Variants in IGF2BP3 observed in about 807,000 individuals in gnomAD.
IGF2BP3 encodes insulin like growth factor 2 mRNA binding protein 3, also known as insulin-like growth factor 2 mRNA-binding protein 3.
In IGF2BP3, 9 loss-of-function variants were observed where a neutral mutation model predicts 73.8. The ratio of observed to expected loss-of-function variants is 0.12; its 90% CI spans 0.07 to 0.21. The LOEUF (loss-of-function observed/expected upper bound fraction) is 0.21, where lower values mean the gene tolerates loss of function less well. IGF2BP3 is among the 10% of genes least tolerant of loss of function. The pLI is 1.00. For missense variants in IGF2BP3, 542 were observed against 714.0 expected, an observed-to-expected ratio of 0.76 and a Z score of 2.75; for synonymous variants, 258 against 256.7, an observed-to-expected ratio of 1.01 and a Z score of -0.05.
At chr7:23,451,775 C>T (rs988686501) in intron 2 of IGF2BP3, among the ~76,000 whole-genome samples, 2 of 151,378 alleles carry the variant, frequency 1.3e-5, no homozygotes, top group African/African-American at 4.9e-5. Flanking sequence ...GTAGTGAAAC[C>T]CTGTCCTACT....
intron 7 of IGF2BP3, among the ~76,000 whole-genome samples, chr7:23,346,593 T>C (rs192396527): frequency 9.5e-5 from 14 of 147,208 alleles, no homozygotes; most frequent in Admixed American, 5.3e-4. Context: ...TTTTCCTTTT[T>C]CTTTCTTTTT....
At chr7:23,418,184 A>T (rs1470953966) in intron 3 of IGF2BP3, among the ~76,000 whole-genome samples, 2 of 152,204 alleles carry the variant, frequency 1.3e-5, no homozygotes, top group Non-Finnish European at 2.9e-5. Context: ...GTGGGTTTTA[A>T]GAACTTTCAG....
At chr7:23,317,519 T>G (rs1784023759) in intron 12 of IGF2BP3, 120 bp downstream of exon 12, 3 of 745,598 alleles carry the variant, frequency 4.0e-6, no homozygotes, top group Non-Finnish European at 7.1e-6. Flanking sequence ...TACTCAGCTC[T>G]TAGATAAGAA....
intron 10 of IGF2BP3, among the ~76,000 whole-genome samples, chr7:23,328,007 G>C (rs1784350047): frequency 6.6e-6 from 1 of 152,100 alleles, no homozygotes; most frequent in Non-Finnish European, 1.5e-5. Flanking sequence ...ACCCTGTTTG[G>C]TAGGAATTTT....
chr7:23,342,985 T>C (rs1252839836), intron 9 of IGF2BP3, among the ~76,000 whole-genome samples: 1 of 152,226 alleles, frequency 6.6e-6, no homozygotes, highest in Non-Finnish European at 1.5e-5. Flanking sequence ...GTCTCAGGTT[T>C]TGTGTTTCAG....
chr7:23,356,468 G>T lies in IGF2BP3; in HGVS notation c.402-4882C>A, dbSNP rs553758442. On this transcript the variant is annotated intron_variant, in intron 5 of 14. Transcript: ENST00000258729. ...GCTACTTGGGAGGCTGAGGTGGGAG[G>T]ACTGGTTGAGCCCAGGAGGTTGAGG... is the stretch of plus-strand genomic sequence containing the variant. 8.1e-4 allele frequency among the ~76,000 whole-genome samples: 124 copies of T among 152,214 alleles called. 1 individual carries two copies. Among genetic ancestry groups the T allele is most frequent in the African/African-American group, 3.0e-3 (124 of 41,544 alleles).
Position 23,469,862 on chromosome 7 carries a change from G to A in IGF2BP3, c.175+74C>T. ...CAGCGCGCCGGGCCTGGGGCCCGCGGAGCCACCCGGTGGGCCTGGGCGGGC... is the reference window on the plus strand; with the variant it reads ...CAGCGCGCCGGGCCTGGGGCCCGCGAAGCCACCCGGTGGGCCTGGGCGGGC... On this transcript the variant is annotated intron_variant, in intron 1 of 14. Transcript: ENST00000258729. This position sits in a 1 kb window ranked among gnomAD's most constrained non-coding sequence, Gnocchi z 6.1. 9.0e-7 allele frequency: 1 copy of A among 1,108,634 alleles called. No individual in the cohort carries two copies. The highest frequency in any genetic ancestry group is 1.2e-6 in the Non-Finnish European group (1 of 864,496). 68.7% of individuals were successfully genotyped at this position (1,108,634 alleles called of 1,614,324 possible). A position where few individuals can be genotyped will look rare whatever the true frequency, so the allele number is the denominator to read the frequency against.
intron 14 of IGF2BP3, 81 bp from the exon 15 acceptor site, chr7:23,312,541 A>C: frequency 1.8e-6 from 2 of 1,083,688 alleles, no homozygotes; most frequent in Non-Finnish European, 2.9e-6. Context: ...CAACAATTTC[A>C]AATAGAAATC....
intron 3 of IGF2BP3, among the ~76,000 whole-genome samples, chr7:23,410,155 C>T (rs1263852321): frequency 1.3e-5 from 2 of 151,322 alleles, no homozygotes; most frequent in Admixed American, 6.6e-5. Context: ...GGTGACAGAG[C>T]GACACTCCAT....
intron 2 of IGF2BP3, among the ~76,000 whole-genome samples, chr7:23,438,463 A>T (rs770307147): frequency 1.3e-5 from 2 of 152,162 alleles, no homozygotes; most frequent in Non-Finnish European, 2.9e-5. Context: ...TCACATCAAC[A>T]TAGATCATTT....
intron 10 of IGF2BP3, among the ~76,000 whole-genome samples, chr7:23,326,994 C>G (rs1290209104): frequency 1.3e-5 from 2 of 150,724 alleles, no homozygotes; most frequent in Non-Finnish European, 3.0e-5. Flanking sequence ...GTGCAGGGCA[C>G]CAGCATGGCA....
intron 11 of IGF2BP3, 88 bp from the exon 12 acceptor site, chr7:23,317,801 T>A: frequency 9.7e-7 from 1 of 1,029,400 alleles, no homozygotes; most frequent in Non-Finnish European, 1.5e-6. Flanking sequence ...TGCATGTGAC[T>A]GGCTGAAATG....
At chr7:23,423,055 G>C (rs1313317505) in intron 2 of IGF2BP3, among the ~76,000 whole-genome samples, 1 of 152,252 alleles carries the variant, frequency 6.6e-6, no homozygotes, top group Non-Finnish European at 1.5e-5. Context: ...GATTGCAGGC[G>C]TGAGCCGCTG....
At position 23,398,847 on chromosome 7, in the gene IGF2BP3, C is replaced by A. The variant is rs373729825; in HGVS notation, c.285+19929G>T. ...TGAGTAGGTTGCAAAAATTTTCTCCCATTTTGTAGGTTGCCTGTTCACTCT... is the reference window on the plus strand; with the variant it reads ...TGAGTAGGTTGCAAAAATTTTCTCCAATTTTGTAGGTTGCCTGTTCACTCT... On this transcript the variant is annotated intron_variant, in intron 3 of 14. Coordinates refer to ENST00000258729, the MANE Select transcript of IGF2BP3 (RefSeq NM_006547.3). Among the ~76,000 whole-genome samples, 955 of 152,266 alleles carry A rather than the reference C, an allele frequency of 6.3e-3. 22 individuals carry two copies. In the East Asian group the frequency reaches 0.078, roughly 13 times the overall value.
intron 3 of IGF2BP3, among the ~76,000 whole-genome samples, chr7:23,408,946 G>A (rs998994058): frequency 2.6e-5 from 4 of 151,170 alleles, no homozygotes; most frequent in Non-Finnish European, 5.9e-5. Context: ...TTTCATGGAA[G>A]ACAATTTTTC....
At chr7:23,415,349 G>A (rs1459869876) in intron 3 of IGF2BP3, 14 of 204,782 alleles carry the variant, frequency 6.8e-5, no homozygotes, top group South Asian at 5.3e-4. Flanking sequence ...CGCAGGTCCC[G>A]TCCATCAGTC....
At chr7:23,382,360 A>G (rs1338702218) in intron 3 of IGF2BP3, among the ~76,000 whole-genome samples, 5 of 152,190 alleles carry the variant, frequency 3.3e-5, no homozygotes, top group Non-Finnish European at 7.4e-5. Context: ...AAAACACTGT[A>G]GTTTGAGTAA....
intron 2 of IGF2BP3, among the ~76,000 whole-genome samples, chr7:23,420,602 T>C (rs997620558): frequency 6.6e-6 from 1 of 152,220 alleles, no homozygotes; most frequent in Non-Finnish European, 1.5e-5. Flanking sequence ...ACCAGTTTAG[T>C]CTAGATTCAT....
chr7:23,387,043 G>A (rs544612658), intron 3 of IGF2BP3, among the ~76,000 whole-genome samples: 7 of 148,578 alleles, frequency 4.7e-5, no homozygotes, highest in African/African-American at 1.2e-4. Flanking sequence ...CTCCTGCCTA[G>A]CAACACGGCA....
Sources: allele counts gnomAD v4.1 joint callset (sites outside exome capture counted in the v4.1 genomes callset), GRCh38; gene constraint gnomAD v4.1.1; non-coding constraint Gnocchi (gnomAD v3.1); transcripts MANE v1.5; gene names NCBI Gene and HGNC (gene_info 2026-07-23, HGNC 2026-07-21).